The following SDK2 variants were observed in gnomAD, a reference collection of about 807,000 sequenced individuals.
The protein encoded by SDK2 is sidekick cell adhesion molecule 2.
In SDK2, 105 loss-of-function variants were observed where a neutral mutation model predicts 253.9. The observed-to-expected ratio is 0.41, with a 90% confidence interval of 0.35 to 0.49. The LOEUF (loss-of-function observed/expected upper bound fraction) is 0.49. Among genes scored for constraint, SDK2 ranks in the 20% least tolerant of loss-of-function variants. The pLI, the probability that SDK2 is intolerant of heterozygous loss-of-function variation, is 0.06. For missense variants in SDK2, 2,608 were observed against 3,003.0 expected, an observed-to-expected ratio of 0.87 and a Z score of 3.07; for synonymous variants, 1,249 against 1,234.9, an observed-to-expected ratio of 1.01 and a Z score of -0.24.
chr17:73,409,297 G>A (rs1434266433), intron 18 of SDK2, among the ~76,000 whole-genome samples: 4 of 152,064 alleles, frequency 2.6e-5, no homozygotes, highest in Non-Finnish European at 5.9e-5. Context: ...CCTGGTCAAT[G>A]TGGTGAAACC....
intron 32 of SDK2, among the ~76,000 whole-genome samples, chr17:73,384,761 A>G (rs570809961): frequency 6.6e-6 from 1 of 152,344 alleles, no homozygotes; most frequent in Admixed American, 6.5e-5. Flanking sequence ...GGTTGCAGTG[A>G]GCCAAGATTG....
rs12602838 is a variant in SDK2, at chr17:73,584,174, C to T, written c.64+59851G>A. 2.4e-3 allele frequency among the ~76,000 whole-genome samples: 365 copies of T among 152,326 alleles called. 4 individuals are homozygous for T. The South Asian group carries it at 0.034, about 14-fold the overall frequency. ...AGCTGTGTCCTGCACACTGGCCAAC[C>T]GAGAGAGCTGGGCAGTTGGCCTGGC... On this transcript the variant is annotated intron_variant, in intron 1 of 44. Coordinates refer to ENST00000392650, the MANE Select transcript of SDK2 (RefSeq NM_001144952.2).
intron 2 of SDK2, among the ~76,000 whole-genome samples, chr17:73,501,545 C>G (rs990406546): frequency 6.6e-6 from 1 of 152,220 alleles, no homozygotes; most frequent in Admixed American, 6.5e-5. Context: ...TTAGAGCCAC[C>G]TCATTTCTCA....
chr17:73,562,622 C>T (rs1394844153), intron 1 of SDK2, among the ~76,000 whole-genome samples: 1 of 151,888 alleles, frequency 6.6e-6, no homozygotes, highest in Non-Finnish European at 1.5e-5. Context: ...GAGTGTCTGT[C>T]CAGGCTGCCG....
Position 73,642,499 on chromosome 17 carries a change from G to C in SDK2, c.64+1526C>G, listed in dbSNP as rs2046410761. ...ATTCTGCCAGCATCAGGGTCCTCCT[G>C]GGACCCCTCAGAGAGGGGGCCCAGA... On this transcript the variant is annotated intron_variant, in intron 1 of 44. Transcript: ENST00000392650. This position sits in a 1 kb window ranked among gnomAD's most constrained non-coding sequence, Gnocchi z 4.7. Among the ~76,000 whole-genome samples the C allele has an allele frequency of 6.6e-6, 1 of 152,132 alleles. No individual in the cohort carries two copies. The highest frequency in any genetic ancestry group is 1.5e-5 in the Non-Finnish European group (1 of 68,028).
At chr17:73,486,407 G>C (rs2063769484) in intron 2 of SDK2, among the ~76,000 whole-genome samples, 1 of 152,004 alleles carries the variant, frequency 6.6e-6, no homozygotes, top group South Asian at 2.1e-4. Flanking sequence ...CCAGGAGTTT[G>C]AGACCAACCT....
At chr17:73,390,218 C>T in intron 29 of SDK2, 69 bp downstream of exon 29, 10 of 1,327,504 alleles carry the variant, frequency 7.5e-6, no homozygotes, top group Non-Finnish European at 9.1e-6. Context: ...CCACTAGGAA[C>T]AGCTCAGAGC....
At chr17:73,412,788 C>T (rs931920498) in intron 18 of SDK2, among the ~76,000 whole-genome samples, 1 of 152,166 alleles carries the variant, frequency 6.6e-6, no homozygotes, top group Non-Finnish European at 1.5e-5. Flanking sequence ...CATGGTGGCA[C>T]ATGCCTACAG....
intron 18 of SDK2, among the ~76,000 whole-genome samples, chr17:73,406,804 G>T (rs945790436): frequency 6.6e-6 from 1 of 152,214 alleles, no homozygotes; most frequent in African/African-American, 2.4e-5. Context: ...AAATTACAGA[G>T]AGAAATGACT....
At chr17:73,363,321 C>T (rs568350882) in intron 38 of SDK2, among the ~76,000 whole-genome samples, 4 of 152,334 alleles carry the variant, frequency 2.6e-5, no homozygotes, top group East Asian at 1.9e-4. Context: ...TCCACCGCCT[C>T]GGCCTCCCGA....
rs376806251 is a variant in SDK2, at chr17:73,359,201, C to T, written c.5468-997G>A. On this transcript the variant is annotated intron_variant, in intron 39 of 44. Transcript: ENST00000392650. The stretch of plus-strand genomic sequence containing the variant: ...GCCACCTGGTTTGTTGGTGGGGGGT[C>T]TCTGTGGAGCAGAGTCTAGCATCAC... Among the ~76,000 whole-genome samples the T allele has an allele frequency of 8.0e-4, 121 of 152,120 alleles. No individual in the cohort carries two copies. In the Middle Eastern group the frequency reaches 0.01, roughly 13 times the overall value.
At position 73,447,785 on chromosome 17, in the gene SDK2, A is replaced by G. The variant is rs7209875; in HGVS notation, c.480-37T>C. The G allele has an allele frequency of 0.54, 835,404 of 1,550,208 alleles. 226,954 individuals are homozygous for G. The highest frequency in any genetic ancestry group is 0.62 in the African/African-American group (45,593 of 73,004). Reference sequence around the variant, plus strand: ...AAAAGGATTCCTCTGACAGGGGCCTAAGGGGCTCTGAACCTCCAGGGAGTG... The same window carrying G: ...AAAAGGATTCCTCTGACAGGGGCCTGAGGGGCTCTGAACCTCCAGGGAGTG... On this transcript the variant is annotated intron_variant, in intron 4 of 44. Transcript: ENST00000392650. This position sits in a 1 kb window ranked among gnomAD's most constrained non-coding sequence, Gnocchi z 4.0.
At chr17:73,401,776 C>A (rs527728344) in intron 19 of SDK2, 24 bp from the exon 20 acceptor site, 1 of 1,534,522 alleles carries the variant, frequency 6.5e-7, no homozygotes, top group Admixed American at 2.0e-5. Context: ...GGAACCCCCA[C>A]CCCCCAAGGC....
chr17:73,441,674 G>A (rs575165777), intron 5 of SDK2, among the ~76,000 whole-genome samples: 22 of 152,318 alleles, frequency 1.4e-4, no homozygotes, highest in African/African-American at 5.3e-4. Context: ...GTATAGCCCT[G>A]CTGACACCTT....
Position 73,497,842 on chromosome 17 carries a change from C to T in SDK2, c.224+9596G>A, listed in dbSNP as rs116817183. 5.1e-3 allele frequency among the ~76,000 whole-genome samples: 782 copies of T among 152,308 alleles called. 7 individuals carry two copies. Among genetic ancestry groups the T allele is most frequent in the African/African-American group, 0.018 (755 of 41,554 alleles). On this transcript the variant is annotated intron_variant, in intron 2 of 44. Coordinates refer to ENST00000392650, the MANE Select transcript of SDK2 (RefSeq NM_001144952.2). ...TAGCTTTTGGCAGAAAATGCAAGTC[C>T]CTAAGAGAGCTAAACGCCCCTACTT...
rs1392965607 is a variant in SDK2, at chr17:73,443,612, A to G, written c.614-2689T>C. On this transcript the variant is annotated intron_variant, in intron 5 of 44. Transcript: ENST00000392650. The surrounding 1 kb of genome is among the most constrained non-coding windows in gnomAD (Gnocchi z 4.6). ...GGCTGGCTCGTTGGCTCTGGAAGGA[A>G]TGGAGGAGAGATGGCCATGTGCTCA... Among the ~76,000 whole-genome samples, 1 of 152,186 alleles carries G rather than the reference A, an allele frequency of 6.6e-6. No individual in the cohort carries two copies. Among genetic ancestry groups the G allele is most frequent in the East Asian group, 1.9e-4 (1 of 5,170 alleles).
At chr17:73,342,851 A>C (rs2062450789) in intron 44 of SDK2, among the ~76,000 whole-genome samples, 2 of 145,348 alleles carry the variant, frequency 1.4e-5, no homozygotes, top group Admixed American at 1.4e-4. Context: ...AAATGAGCTA[A>C]CCCAGGAGAG....
intron 25 of SDK2, among the ~76,000 whole-genome samples, chr17:73,394,595 T>C (rs2062955484): frequency 6.6e-6 from 1 of 152,168 alleles, no homozygotes; most frequent in Non-Finnish European, 1.5e-5. Flanking sequence ...CATTTCCTGC[T>C]AGCACAGCAG....
rs71157018 is a variant in SDK2 at position 73,509,902 on chromosome 17, C to CAAAAAAAAAA, written c.65-2315_65-2306dup. 1.2e-3 allele frequency among the ~76,000 whole-genome samples: 30 copies of CAAAAAAAAAA among 25,378 alleles called. 1 individual carries two copies. Among genetic ancestry groups the CAAAAAAAAAA allele is most frequent in the South Asian group, 2.1e-3 (1 of 486 alleles). The allele number at this position is 25,378 out of a possible 152,430, so 16.6% of individuals were successfully genotyped here. A position where few individuals can be genotyped will look rare whatever the true frequency, so the allele number is the denominator to read the frequency against. On this transcript the variant is annotated intron_variant, in intron 1 of 44. Transcript: ENST00000392650. Reference sequence around the variant, plus strand: ...GCAACAGAGCAAGACTCCATCTCTACAAAAAAAAAAAAAAAAAAAAGAAGG... The same window carrying CAAAAAAAAAA: ...GCAACAGAGCAAGACTCCATCTCTACAAAAAAAAAAAAAAAAAAAAAAAAAAAAAAGAAGG...
Sources: allele counts gnomAD v4.1 joint callset (sites outside exome capture counted in the v4.1 genomes callset), GRCh38; gene constraint gnomAD v4.1.1; non-coding constraint Gnocchi (gnomAD v3.1); transcripts MANE v1.5; gene names NCBI Gene and HGNC (gene_info 2026-07-23, HGNC 2026-07-21).